Variants in ZNF362 observed in about 807,000 individuals in gnomAD.
ZNF362 encodes the protein zinc finger protein 362, also known as rotund homolog.
ZNF362 carries 11 observed loss-of-function variants against 42.9 expected under a neutral mutation model. That is an observed-to-expected ratio of 0.26 (90% CI 0.16 to 0.42). ZNF362 has a LOEUF of 0.42. Among genes scored for constraint, ZNF362 ranks in the 20% least tolerant of loss-of-function variants. The pLI, the probability that ZNF362 is intolerant of heterozygous loss-of-function variation, is 1.00. For synonymous variants in ZNF362, 255 were observed against 257.3 expected (o/e 0.99, Z 0.09); for missense variants, 362 against 576.2 (o/e 0.63, Z 3.81).
chr1:33,291,239 G>T lies in ZNF362; in HGVS notation c.909-3698G>T, dbSNP rs1570408906. 3.9e-5 allele frequency among the ~76,000 whole-genome samples: 6 copies of T among 152,218 alleles called. No individual in the cohort carries two copies. In the East Asian group the frequency reaches 1.2e-3, roughly 29 times the overall value. Reference sequence around the variant, plus strand: ...TTTAATCCATCTTGAATTAATTTTTGTATAAGGTGTAAGGAAGGGATCCAG... The same window carrying T: ...TTTAATCCATCTTGAATTAATTTTTTTATAAGGTGTAAGGAAGGGATCCAG... On this transcript the variant is annotated intron_variant, in intron 6 of 8. Coordinates refer to ENST00000539719, the MANE Select transcript of ZNF362 (RefSeq NM_152493.3).
At chr1:33,267,012 G>A (rs1449037518) in intron 1 of ZNF362, among the ~76,000 whole-genome samples, 1 of 152,182 alleles carries the variant, frequency 6.6e-6, no homozygotes, top group South Asian at 2.1e-4. Flanking sequence ...GGGGCCCCTG[G>A]ATGGGACCAG....
intron 8 of ZNF362, among the ~76,000 whole-genome samples, chr1:33,297,137 C>T (rs997727321): frequency 1.1e-4 from 16 of 151,996 alleles, no homozygotes; most frequent in Admixed American, 7.2e-4. Context: ...GGTCAGGAGG[C>T]GAAGAGGACA....
At chr1:33,223,608 C>G in the ZNF362 span, among the ~76,000 whole-genome samples, 1 of 152,134 alleles carries the variant, frequency 6.6e-6, no homozygotes, top group Non-Finnish European at 1.5e-5. Flanking sequence ...AGACTGAAGA[C>G]CAGGCTGGCC....
chr1:33,163,531 C>G, the ZNF362 span: 1 of 152,256 alleles, frequency 6.6e-6, no homozygotes, highest in Non-Finnish European at 1.5e-5. Flanking sequence ...CTAGTTCTTT[C>G]CAGGGCAGAG....
the ZNF362 span, among the ~76,000 whole-genome samples, chr1:33,227,826 C>T: frequency 8.7e-4 from 132 of 151,182 alleles, no homozygotes; most frequent in African/African-American, 3.1e-3. Flanking sequence ...CCTAGAGAAG[C>T]CAGATGGTGC....
At chr1:33,184,102 T>G in the ZNF362 span, among the ~76,000 whole-genome samples, 1 of 151,498 alleles carries the variant, frequency 6.6e-6, no homozygotes, top group Non-Finnish European at 1.5e-5. Context: ...ATGTATTTAC[T>G]GATGCTGACT....
chr1:33,181,458 G>C, the ZNF362 span: 1 of 1,566,688 alleles, frequency 6.4e-7, no homozygotes, highest in Non-Finnish European at 8.6e-7. The surrounding 1 kb of genome is among the most constrained non-coding windows in gnomAD (Gnocchi z 6.5). Flanking sequence ...AGAGAGGGGG[G>C]CCCGAGGGGC....
the ZNF362 span, among the ~76,000 whole-genome samples, chr1:33,215,272 A>G: frequency 1.1e-4 from 17 of 152,152 alleles, no homozygotes; most frequent in African/African-American, 4.1e-4. Flanking sequence ...GTTCTCACTT[A>G]TATGTGGGAG....
At chr1:33,274,891 A>G in intron 2 of ZNF362, 1 of 945,498 alleles carries the variant, frequency 1.1e-6, no homozygotes, top group Non-Finnish European at 1.3e-6. Context: ...ACTTTCAAGT[A>G]AAGATCACAA....
At chr1:33,273,153 C>T (rs1645918109) in intron 2 of ZNF362, among the ~76,000 whole-genome samples, 1 of 152,236 alleles carries the variant, frequency 6.6e-6, no homozygotes, top group African/African-American at 2.4e-5. Context: ...TGATGAGCAC[C>T]TAGCAGTGTG....
rs1054696635 is a variant in ZNF362, at chr1:33,280,537, G to C, written c.683+80G>C. 2 of 1,470,296 alleles carry C rather than the reference G, an allele frequency of 1.4e-6. No homozygotes were observed. Among genetic ancestry groups the C allele is most frequent in the Middle Eastern group, 2.1e-4 (1 of 4,824 alleles). The allele number at this position is 1,470,296 out of a possible 1,614,324, so 91.1% of individuals were successfully genotyped here. On this transcript the variant is annotated intron_variant, in intron 5 of 8. Coordinates refer to ENST00000539719, the MANE Select transcript of ZNF362 (RefSeq NM_152493.3). This position sits in a 1 kb window ranked among gnomAD's most constrained non-coding sequence, Gnocchi z 5.6. ...AGGGCTGCTCCAGGAGCCCAGCAGCGGGGCTGAAACAGGACCCTTAGGGCT... is the reference window on the plus strand; with the variant it reads ...AGGGCTGCTCCAGGAGCCCAGCAGCCGGGCTGAAACAGGACCCTTAGGGCT...
chr1:33,184,325 A>G, the ZNF362 span, among the ~76,000 whole-genome samples: 6 of 152,222 alleles, frequency 3.9e-5, no homozygotes, highest in Non-Finnish European at 7.3e-5. Context: ...CAAGGCTCAA[A>G]TAAAGGAGAT....
At chr1:33,242,091 G>A in the ZNF362 span, among the ~76,000 whole-genome samples, 1 of 152,182 alleles carries the variant, frequency 6.6e-6, no homozygotes, top group African/African-American at 2.4e-5. Context: ...CTGTGGACAC[G>A]TGGAATCTCA....
At chr1:33,186,140 A>G in the ZNF362 span, among the ~76,000 whole-genome samples, 2 of 152,192 alleles carry the variant, frequency 1.3e-5, no homozygotes, top group African/African-American at 4.8e-5. Context: ...ACTTATGTGC[A>G]GTGGTGAAAA....
chr1:33,281,684 T>A lies in ZNF362; in HGVS notation c.781T>A (p.Ser261Thr), dbSNP rs1645995900. The change falls in exon 6 of 9, where the codon TCC becomes ACC. Residue 261 changes from serine (S) to threonine (T), a missense_variant. Coordinates refer to ENST00000539719, the MANE Select transcript of ZNF362 (RefSeq NM_152493.3). This position sits in a 1 kb window ranked among gnomAD's most constrained non-coding sequence, Gnocchi z 4.8. The part of the protein sequence containing the change: ...EAKPHKCPHC[S>T]KSFANASYLA... ...CAAGCCCCACAAGTGCCCGCACTGC[T>A]CCAAGTCCTTTGCCAACGCCTCCTA... is the stretch of plus-strand genomic sequence containing the variant. The A allele has an allele frequency of 1.2e-6, 2 of 1,614,108 alleles. No individual in the cohort carries two copies. Among genetic ancestry groups the A allele is most frequent in the African/African-American group, 2.7e-5 (2 of 74,936 alleles).
rs781327251 is a variant in ZNF362, at chr1:33,280,302, C to G, written c.528C>G (p.Ile176Met). ...GITSPPLLDS[I>M]KTIQGHGLLG... ...CCAGCCCCCCTCTCCTGGACTCCAT[C>G]AAGACAATCCAGGGCCACGGCCTGC... The change falls in exon 5 of 9, where the codon ATC (isoleucine) becomes ATG (methionine). Residue 176 changes from isoleucine to methionine, a missense_variant. By Grantham distance (10) the Ile-to-Met change is conservative. This residue lies in a region of ZNF362 where 266 missense variants were observed against 365.4 expected (regional missense o/e 0.73). Coordinates refer to ENST00000539719, the MANE Select transcript of ZNF362 (RefSeq NM_152493.3). This position sits in a 1 kb window ranked among gnomAD's most constrained non-coding sequence, Gnocchi z 5.6. 6.2e-6 allele frequency: 10 copies of G among 1,613,970 alleles called. No individual in the cohort carries two copies. The highest frequency in any genetic ancestry group is 1.7e-5 in the Admixed American group (1 of 60,018).
At position 33,280,465 on chromosome 1, in the gene ZNF362, T is replaced by A. The variant is rs768291004; in HGVS notation, c.683+8T>A. 1.3e-6 allele frequency: 2 copies of A among 1,562,618 alleles called. No individual in the cohort carries two copies. Among genetic ancestry groups the A allele is most frequent in the East Asian group, 2.3e-5 (1 of 42,698 alleles). Reference sequence around the variant, plus strand: ...GGAGGGCAAGACGTACAGGTGGGGGTCTTGGCGGGATGGGGTCCGAGTGGG... The same window carrying A: ...GGAGGGCAAGACGTACAGGTGGGGGACTTGGCGGGATGGGGTCCGAGTGGG... On this transcript the variant is annotated splice_region_variant and intron_variant, in intron 5 of 8. Coordinates refer to ENST00000539719, the MANE Select transcript of ZNF362 (RefSeq NM_152493.3). This position sits in a 1 kb window ranked among gnomAD's most constrained non-coding sequence, Gnocchi z 5.6.
At chr1:33,213,580 C>T in the ZNF362 span, among the ~76,000 whole-genome samples, 1 of 152,108 alleles carries the variant, frequency 6.6e-6, no homozygotes, top group African/African-American at 2.4e-5. Flanking sequence ...GGCGTGTTGG[C>T]TCACGCCTGT....
At chr1:33,167,873 A>AT in the ZNF362 span, among the ~76,000 whole-genome samples, 3 of 152,250 alleles carry the variant, frequency 2.0e-5, no homozygotes, top group African/African-American at 7.2e-5. This position sits in a 1 kb window ranked among gnomAD's most constrained non-coding sequence, Gnocchi z 4.2. Context: ...TCAATTATTC[A>AT]TTTAAAAAAC....
Sources: gnomAD v4.1 joint callset for allele counts (sites outside exome capture counted in the v4.1 genomes callset) on GRCh38, gnomAD v4.1.1 for gene constraint, gnomAD v4.1.1 regional missense constraint, Gnocchi (gnomAD v3.1) non-coding constraint, MANE v1.5 for transcripts, NCBI Gene and HGNC (gene_info 2026-07-23, HGNC 2026-07-21) for gene names.